The following SPAG16 variants were observed in gnomAD, a reference collection of about 807,000 sequenced individuals.
The protein encoded by SPAG16 is sperm-associated antigen 16 protein.
SPAG16 carries 86 observed loss-of-function variants against 80.4 expected under a neutral mutation model. The observed-to-expected ratio is 1.07, with a 90% CI of 0.90 to 1.28. The LOEUF (loss-of-function observed/expected upper bound fraction) is 1.28. SPAG16 is among the 50% of genes most tolerant of loss of function. The pLI, the probability that SPAG16 is intolerant of heterozygous loss-of-function variation, is 0.00. For missense variants in SPAG16, 870 were observed against 765.3 expected (o/e 1.14, Z -1.61); for synonymous variants, 294 against 265.9 (o/e 1.11, Z -1.03).
intron 15 of SPAG16, among the ~76,000 whole-genome samples, chr2:214,208,167 G>C (rs2058197905): frequency 6.6e-6 from 1 of 152,056 alleles, no homozygotes; most frequent in Non-Finnish European, 1.5e-5. Flanking sequence ...GAAAAATACA[G>C]ATTTCGGTAC....
intron 9 of SPAG16, among the ~76,000 whole-genome samples, chr2:213,423,348 A>G (rs754583748): frequency 8.5e-5 from 13 of 152,218 alleles, no homozygotes; most frequent in Non-Finnish European, 1.6e-4. Flanking sequence ...ATAAACAAAT[A>G]TGTAATTAAG....
At chr2:213,583,765 GACT>G (rs2060373488) in intron 10 of SPAG16, among the ~76,000 whole-genome samples, 1 of 152,012 alleles carries the variant, frequency 6.6e-6, no homozygotes, top group African/African-American at 2.4e-5. Flanking sequence ...ATGATATCTT[GACT>G]ACTTTTTAAA....
At chr2:213,702,485 A>C (rs570157477) in intron 10 of SPAG16, among the ~76,000 whole-genome samples, 1 of 152,296 alleles carries the variant, frequency 6.6e-6, no homozygotes, top group East Asian at 1.9e-4. Flanking sequence ...AAAGGAACAA[A>C]CAACTCCAGC....
intron 9 of SPAG16, among the ~76,000 whole-genome samples, chr2:213,423,635 T>C (rs2069733501): frequency 6.6e-6 from 1 of 152,224 alleles, no homozygotes; most frequent in South Asian, 2.1e-4. Context: ...TTAATCATGA[T>C]GACAATACTA....
At chr2:213,458,486 C>T (rs930967887) in intron 9 of SPAG16, among the ~76,000 whole-genome samples, 4 of 151,978 alleles carry the variant, frequency 2.6e-5, no homozygotes, top group Admixed American at 6.6e-5. Context: ...GCAGGAGAAT[C>T]GCTTGAATCC....
intron 11 of SPAG16, among the ~76,000 whole-genome samples, chr2:213,901,617 CAT>C (rs2106124904): frequency 6.6e-6 from 1 of 152,214 alleles, no homozygotes; most frequent in African/African-American, 2.4e-5. Context: ...CCAAAGAAAA[CAT>C]GTAAACTTGT....
chr2:213,830,135 G>A (rs1462521458), intron 10 of SPAG16, among the ~76,000 whole-genome samples: 1 of 152,140 alleles, frequency 6.6e-6, no homozygotes, highest in Non-Finnish European at 1.5e-5. Context: ...TGGAACCCCA[G>A]AGCCGTTTAG....
intron 9 of SPAG16, among the ~76,000 whole-genome samples, chr2:213,453,098 C>A (rs1328687867): frequency 6.6e-6 from 1 of 152,152 alleles, no homozygotes; most frequent in East Asian, 1.9e-4. Context: ...CTCATAGAAC[C>A]TAGACTCTTG....
chr2:214,161,215 A>C (rs2056422257), intron 15 of SPAG16, among the ~76,000 whole-genome samples: 1 of 152,114 alleles, frequency 6.6e-6, no homozygotes, highest in Non-Finnish European at 1.5e-5. Context: ...ATGGGCAATT[A>C]GATTGATTTC....
chr2:214,360,582 A>G (rs917070709), intron 15 of SPAG16, among the ~76,000 whole-genome samples: 6 of 151,912 alleles, frequency 3.9e-5, no homozygotes, highest in Non-Finnish European at 7.4e-5. Context: ...ATCACTATGC[A>G]GTTATATACT....
intron 10 of SPAG16, among the ~76,000 whole-genome samples, chr2:213,792,254 G>T (rs912568185): frequency 6.6e-6 from 1 of 152,112 alleles, no homozygotes; most frequent in East Asian, 1.9e-4. Context: ...GAAGCAAATC[G>T]CACTCACTGT....
intron 9 of SPAG16, among the ~76,000 whole-genome samples, chr2:213,418,235 A>G (rs2069382578): frequency 6.6e-6 from 1 of 152,036 alleles, no homozygotes; most frequent in Non-Finnish European, 1.5e-5. Flanking sequence ...ATAGATATAC[A>G]TGGATATTTA....
chr2:214,171,261 A>G (rs2056858516), intron 15 of SPAG16, among the ~76,000 whole-genome samples: 1 of 151,920 alleles, frequency 6.6e-6, no homozygotes, highest in African/African-American at 2.4e-5. Context: ...GACCTTAATT[A>G]TCATGGCAAA....
intron 11 of SPAG16, among the ~76,000 whole-genome samples, chr2:213,880,865 G>A (rs879132283): frequency 6.6e-6 from 1 of 152,116 alleles, no homozygotes; most frequent in Non-Finnish European, 1.5e-5. Context: ...CATGCCATTT[G>A]GTTACTGTAG....
At chr2:214,180,591 G>A (rs2057280062) in intron 15 of SPAG16, among the ~76,000 whole-genome samples, 1 of 102,832 alleles carries the variant, frequency 9.7e-6, no homozygotes, top group African/African-American at 2.8e-5. Flanking sequence ...TGACAAGTTA[G>A]TGCCATAAAA....
chr2:213,381,553 A>C (rs968111678), intron 9 of SPAG16, among the ~76,000 whole-genome samples: 8 of 152,194 alleles, frequency 5.3e-5, no homozygotes, highest in Non-Finnish European at 2.9e-5. Context: ...CGTAGTCTTC[A>C]TCTTTAACAC....
chr2:213,751,350 C>G (rs2068069059), intron 10 of SPAG16, among the ~76,000 whole-genome samples: 1 of 152,146 alleles, frequency 6.6e-6, no homozygotes, highest in Admixed American at 6.5e-5. Context: ...TACCCCACAG[C>G]TGCTAATCAC....
chr2:214,284,738 C>T (rs1693219105), intron 15 of SPAG16, among the ~76,000 whole-genome samples: 1 of 152,050 alleles, frequency 6.6e-6, no homozygotes, highest in Non-Finnish European at 1.5e-5. Context: ...AGTCAAACTT[C>T]ATTACCAAAT....
intron 10 of SPAG16, among the ~76,000 whole-genome samples, chr2:213,547,214 A>G (rs946690670): frequency 2.0e-5 from 3 of 152,132 alleles, no homozygotes; most frequent in Admixed American, 1.3e-4. Context: ...TCATATTAGA[A>G]ATACCACCTT....
Sources: allele counts gnomAD v4.1 joint callset (sites outside exome capture counted in the v4.1 genomes callset), GRCh38; gene constraint gnomAD v4.1.1; transcripts MANE v1.5; gene names NCBI Gene and HGNC (gene_info 2026-07-23, HGNC 2026-07-21).